The following NDUFAF2 variants were observed in gnomAD, a reference collection of about 807,000 sequenced individuals.
NDUFAF2 encodes NADH:ubiquinone oxidoreductase complex assembly factor 2.
In NDUFAF2, 13 loss-of-function variants were observed where a neutral mutation model predicts 22.8. That is an observed-to-expected ratio of 0.57 (90% CI 0.37 to 0.91). The LOEUF (loss-of-function observed/expected upper bound fraction) is 0.91. NDUFAF2 is among the 40% of genes least tolerant of loss of function. The probability of loss-of-function intolerance (pLI) is 0.01; values close to 1 mark genes in which losing one functional copy is unlikely to be tolerated. For missense variants in NDUFAF2, 162 were observed against 195.2 expected (o/e 0.83, Z 1.01); for synonymous variants, 53 against 64.2 (o/e 0.83, Z 0.84).
In NDUFAF2 at chr5:61,073,233, T is replaced by A; in HGVS notation, c.217+19T>A. On this transcript the variant is annotated intron_variant, in intron 2 of 3. Transcript: ENST00000296597. ...TGGGAAGGTAAGTTTCTGCTTTTAG[T>A]AGAATCTCATGGGAGGTAAGTTATA... is the stretch of plus-strand genomic sequence containing the variant. 2.0e-6 allele frequency: 3 copies of A among 1,515,168 alleles called. No homozygotes were observed. The highest frequency in any genetic ancestry group is 2.8e-6 in the Non-Finnish European group (3 of 1,089,928). 93.9% of individuals were successfully genotyped at this position (1,515,168 alleles called of 1,614,324 possible).
chr5:60,977,709 C>T (rs1417881132), intron 1 of NDUFAF2, among the ~76,000 whole-genome samples: 3 of 151,910 alleles, frequency 2.0e-5, no homozygotes, highest in South Asian at 2.1e-4. Flanking sequence ...TGGTGGCACA[C>T]GCCTGTAATC....
intron 1 of NDUFAF2, among the ~76,000 whole-genome samples, chr5:60,968,323 C>T (rs776044594): frequency 4.0e-5 from 6 of 151,736 alleles, no homozygotes; most frequent in Non-Finnish European, 7.4e-5. Context: ...GGTTTCTAGT[C>T]TCCATTTCCT....
In NDUFAF2 at chr5:61,153,026, A is replaced by C; in HGVS notation, c.*71A>C. On this transcript the variant is annotated 3_prime_UTR_variant, in exon 4 of 4. Transcript: ENST00000296597. ...TAACAAATAAAAGAAGTGAAAAGTT[A>C]TTTACCTTGTATTTTCTGAATGTAC... 1 of 1,521,246 alleles carries C rather than the reference A, an allele frequency of 6.6e-7. No homozygotes were observed. The highest frequency in any genetic ancestry group is 9.0e-7 in the Non-Finnish European group (1 of 1,107,072). 94.2% of individuals were successfully genotyped at this position (1,521,246 alleles called of 1,614,324 possible).
intron 1 of NDUFAF2, among the ~76,000 whole-genome samples, chr5:60,960,729 T>G (rs569504958): frequency 1.3e-5 from 2 of 152,306 alleles, no homozygotes; most frequent in Admixed American, 6.5e-5. Context: ...TGTACCTGAT[T>G]TTTTTTAAAA....
At chr5:61,120,616 A>C (rs1752963656) in intron 3 of NDUFAF2, among the ~76,000 whole-genome samples, 1 of 152,140 alleles carries the variant, frequency 6.6e-6, no homozygotes, top group South Asian at 2.1e-4. Flanking sequence ...GAATATAAAT[A>C]AGGTGCTATT....
At chr5:61,136,005 T>TTTTATATA (rs1554018944) in intron 3 of NDUFAF2, among the ~76,000 whole-genome samples, 5 of 96,028 alleles carry the variant, frequency 5.2e-5, no homozygotes, top group Admixed American at 9.3e-5. Context: ...AAGCCTGTCT[T>TTTTATATA]TATATATATA....
chr5:60,980,757 A>C, intron 1 of NDUFAF2, among the ~76,000 whole-genome samples: 1 of 152,100 alleles, frequency 6.6e-6, no homozygotes, highest in East Asian at 1.9e-4. Flanking sequence ...ATTTTTTGAA[A>C]AGCAGAAATT....
chr5:61,013,585 T>C (rs747722269), intron 1 of NDUFAF2, among the ~76,000 whole-genome samples: 1 of 152,186 alleles, frequency 6.6e-6, no homozygotes, highest in African/African-American at 2.4e-5. Context: ...TTCACTGCTC[T>C]GAATTATATA....
intron 2 of NDUFAF2, among the ~76,000 whole-genome samples, chr5:61,094,244 C>G (rs1364917832): frequency 6.6e-6 from 1 of 152,150 alleles, no homozygotes; most frequent in East Asian, 1.9e-4. Context: ...CGTTTTCAAA[C>G]TCTGAGATCC....
chr5:61,010,697 A>G (rs755223438), intron 1 of NDUFAF2, among the ~76,000 whole-genome samples: 2 of 152,078 alleles, frequency 1.3e-5, no homozygotes, highest in Non-Finnish European at 2.9e-5. Context: ...GCCTTGCATT[A>G]TATATTCATC....
chr5:61,063,198 A>G (rs1257884373), intron 1 of NDUFAF2, among the ~76,000 whole-genome samples: 1 of 152,102 alleles, frequency 6.6e-6, no homozygotes, highest in African/African-American at 2.4e-5. Context: ...TCTAGTATAA[A>G]GGCTAAAAGT....
intron 1 of NDUFAF2, among the ~76,000 whole-genome samples, chr5:60,947,362 T>C (rs1750475156): frequency 6.6e-6 from 1 of 152,248 alleles, no homozygotes; most frequent in African/African-American, 2.4e-5. Flanking sequence ...CTCATTGTGA[T>C]TTTAAGTTTC....
intron 3 of NDUFAF2, among the ~76,000 whole-genome samples, chr5:61,147,425 TTTTTTTTCTTTC>T (rs1246212855): frequency 7.3e-6 from 1 of 137,326 alleles, no homozygotes; most frequent in African/African-American, 2.6e-5. Context: ...ATTTTTGTAT[TTTTTTTTCTTTC>T]TTTTTTTTTT....
intron 2 of NDUFAF2, among the ~76,000 whole-genome samples, chr5:61,095,401 G>A (rs1752627066): frequency 6.6e-6 from 1 of 152,224 alleles, no homozygotes; most frequent in Admixed American, 6.5e-5. Flanking sequence ...CCAGGTAGGG[G>A]GCGACACTGT....
intron 2 of NDUFAF2, among the ~76,000 whole-genome samples, chr5:61,076,685 A>G (rs762636163): frequency 1.3e-5 from 2 of 152,206 alleles, no homozygotes; most frequent in Non-Finnish European, 2.9e-5. Context: ...GGGTTTTGAA[A>G]AGAGTAGTCA....
chr5:61,117,998 T>C (rs1357571957), intron 3 of NDUFAF2, among the ~76,000 whole-genome samples: 2 of 152,180 alleles, frequency 1.3e-5, no homozygotes, highest in African/African-American at 2.4e-5. Flanking sequence ...TCCTATGGGA[T>C]ATACCATTAT....
intron 1 of NDUFAF2, among the ~76,000 whole-genome samples, chr5:60,984,493 T>C (rs527318963): frequency 0.016 from 2,395 of 152,232 alleles, 73 homozygotes; most frequent in African/African-American, 0.055. Flanking sequence ...AAAGGGAATG[T>C]TTCCAGTTTT....
chr5:60,968,112 C>T (rs1043290848), intron 1 of NDUFAF2, among the ~76,000 whole-genome samples: 18 of 151,730 alleles, frequency 1.2e-4, no homozygotes, highest in African/African-American at 4.4e-4. Flanking sequence ...CTAGGTTATA[C>T]AATTTGTTGG....
intron 1 of NDUFAF2, among the ~76,000 whole-genome samples, chr5:60,985,252 A>T (rs1298438659): frequency 3.3e-5 from 5 of 151,912 alleles, no homozygotes; most frequent in Admixed American, 2.0e-4. Flanking sequence ...CCCCTTTATC[A>T]TTTTTTGTTG....
Sources: allele counts gnomAD v4.1 joint callset (sites outside exome capture counted in the v4.1 genomes callset), GRCh38; gene constraint gnomAD v4.1.1; transcripts MANE v1.5; gene names NCBI Gene and HGNC (gene_info 2026-07-23, HGNC 2026-07-21).